The following ASAP1 variants were observed in gnomAD, a reference collection of about 807,000 sequenced individuals.
ASAP1 encodes the protein ArfGAP with SH3 domain, ankyrin repeat and PH domain 1.
Under a neutral mutation model 145.2 loss-of-function variants are expected in ASAP1, and 43 were observed. The ratio of observed to expected loss-of-function variants is 0.30; its 90% confidence interval spans 0.23 to 0.38. The LOEUF is 0.38. Among genes scored for constraint, ASAP1 ranks in the 10% least tolerant of loss-of-function variants. The pLI is 1.00. For missense variants in ASAP1, 1,018 were observed against 1,355.3 expected (o/e 0.75, Z 3.91); for synonymous variants, 546 against 515.5 (o/e 1.06, Z -0.80).
intron 3 of ASAP1, among the ~76,000 whole-genome samples, chr8:130,325,998 G>A (rs1467614871): frequency 1.3e-5 from 2 of 152,190 alleles, no homozygotes; most frequent in Non-Finnish European, 2.9e-5. Context: ...TCACAAATGA[G>A]AAAATGGAGA....
At chr8:130,328,307 C>A (rs961952319) in intron 3 of ASAP1, among the ~76,000 whole-genome samples, 1 of 152,154 alleles carries the variant, frequency 6.6e-6, no homozygotes, top group Non-Finnish European at 1.5e-5. Flanking sequence ...ATGCTCTTAA[C>A]CACTGTGACA....
chr8:130,135,443 C>T (rs548199012), intron 14 of ASAP1, among the ~76,000 whole-genome samples: 1 of 152,262 alleles, frequency 6.6e-6, no homozygotes, highest in Non-Finnish European at 1.5e-5. Flanking sequence ...TGCGACTGAA[C>T]CACTGCACTG....
intron 9 of ASAP1, among the ~76,000 whole-genome samples, chr8:130,178,709 C>T (rs186051585): frequency 6.6e-6 from 1 of 152,224 alleles, no homozygotes; most frequent in East Asian, 1.9e-4. Context: ...CACGGTGAGA[C>T]CCAGTCTCTA....
chr8:130,202,235 G>C (rs1032149338), intron 5 of ASAP1, among the ~76,000 whole-genome samples: 2 of 152,156 alleles, frequency 1.3e-5, no homozygotes, highest in African/African-American at 4.8e-5. Flanking sequence ...TGCAGAAAAG[G>C]AATCTTCTTA....
At chr8:130,345,441 T>C (rs1171533409) in intron 3 of ASAP1, among the ~76,000 whole-genome samples, 4 of 152,184 alleles carry the variant, frequency 2.6e-5, no homozygotes, top group Non-Finnish European at 5.9e-5. Context: ...GGCAGATGCA[T>C]GTCTTGTTTG....
At chr8:130,319,374 G>A (rs549203142) in intron 3 of ASAP1, among the ~76,000 whole-genome samples, 107 of 152,322 alleles carry the variant, frequency 7.0e-4, no homozygotes, top group South Asian at 1.7e-3. Flanking sequence ...ACAGACTGTC[G>A]TATTAGTGAA....
At chr8:130,206,929 T>A (rs777511115) in intron 5 of ASAP1, among the ~76,000 whole-genome samples, 1 of 152,070 alleles carries the variant, frequency 6.6e-6, no homozygotes, top group East Asian at 1.9e-4. Flanking sequence ...ATGCCAGGAG[T>A]AGAGCAGACC....
intron 1 of ASAP1, among the ~76,000 whole-genome samples, chr8:130,441,366 G>A (rs1830482738): frequency 6.6e-6 from 1 of 152,182 alleles, no homozygotes; most frequent in Admixed American, 6.5e-5. Context: ...TAATAAATGG[G>A]GTGACTGTTA....
At chr8:130,095,294 A>ATTTTT (rs71302392) in intron 24 of ASAP1, among the ~76,000 whole-genome samples, 5 of 95,700 alleles carry the variant, frequency 5.2e-5, no homozygotes, top group South Asian at 3.8e-4. Flanking sequence ...TAGGCCAGTG[A>ATTTTT]TTTTTTTTTT....
intron 3 of ASAP1, among the ~76,000 whole-genome samples, chr8:130,304,550 C>T (rs1822876792): frequency 6.6e-6 from 1 of 152,204 alleles, no homozygotes; most frequent in Non-Finnish European, 1.5e-5. Context: ...GTCCAATTTA[C>T]GTTTACACAA....
chr8:130,103,804 G>A (rs2097532724), intron 24 of ASAP1, among the ~76,000 whole-genome samples: 1 of 152,300 alleles, frequency 6.6e-6, no homozygotes, highest in South Asian at 2.1e-4. Flanking sequence ...GTAAGCCACT[G>A]CACCTAGTGA....
At chr8:130,325,658 C>A (rs2137718980) in intron 3 of ASAP1, among the ~76,000 whole-genome samples, 1 of 152,280 alleles carries the variant, frequency 6.6e-6, no homozygotes, top group Middle Eastern at 3.4e-3. Context: ...CAACTAGTTA[C>A]CATACATAGA....
chr8:130,178,530 G>T (rs955027832), intron 9 of ASAP1, among the ~76,000 whole-genome samples: 2 of 152,230 alleles, frequency 1.3e-5, no homozygotes, highest in Non-Finnish European at 2.9e-5. Flanking sequence ...AGGAATCCAT[G>T]TACAAATGCA....
chr8:130,166,197 C>G (rs1301700616), intron 11 of ASAP1, among the ~76,000 whole-genome samples: 1 of 152,080 alleles, frequency 6.6e-6, no homozygotes, highest in Non-Finnish European at 1.5e-5. Flanking sequence ...TTTGTAGACA[C>G]AGGCTCTTAC....
chr8:130,164,187 G>A lies in ASAP1; in HGVS notation c.909+3349C>T, dbSNP rs186203615. On this transcript the variant is annotated intron_variant, in intron 11 of 29. Transcript: ENST00000518721. ...CAAAGAATCTGTCAAACCTGCAAAC[G>A]ATAATGTGATGGGGTTTTAAAAGAG... 8.5e-5 allele frequency among the ~76,000 whole-genome samples: 13 copies of A among 152,294 alleles called. No individual in the cohort carries two copies. In the East Asian group the frequency reaches 2.5e-3, roughly 29 times the overall value.
chr8:130,357,527 G>A (rs1402941515), intron 3 of ASAP1, among the ~76,000 whole-genome samples: 1 of 152,250 alleles, frequency 6.6e-6, no homozygotes, highest in Non-Finnish European at 1.5e-5. Flanking sequence ...TGGGTCCTCT[G>A]GGATTTTTCC....
chr8:130,309,698 T>C (rs1348140917), intron 3 of ASAP1, among the ~76,000 whole-genome samples: 2 of 152,208 alleles, frequency 1.3e-5, no homozygotes, highest in Non-Finnish European at 2.9e-5. Flanking sequence ...AATTTCCTGA[T>C]ATTTCATTCA....
At chr8:130,145,332 T>A (rs1201786648) in intron 13 of ASAP1, among the ~76,000 whole-genome samples, 1 of 152,220 alleles carries the variant, frequency 6.6e-6, no homozygotes, top group Non-Finnish European at 1.5e-5. Flanking sequence ...TTTTTTCTTT[T>A]TTTTAGACGG....
chr8:130,220,914 A>G (rs1048204654), intron 4 of ASAP1, among the ~76,000 whole-genome samples: 2 of 152,168 alleles, frequency 1.3e-5, no homozygotes, highest in Non-Finnish European at 2.9e-5. Context: ...GTGAGAACTC[A>G]GTCACTATGA....
Sources: allele counts gnomAD v4.1 joint callset (sites outside exome capture counted in the v4.1 genomes callset), GRCh38; gene constraint gnomAD v4.1.1; transcripts MANE v1.5; gene names NCBI Gene and HGNC (gene_info 2026-07-23, HGNC 2026-07-21).